Variants in ARID5B observed in about 807,000 individuals in gnomAD.
The protein encoded by ARID5B is AT-rich interactive domain-containing protein 5B.
ARID5B carries 13 observed loss-of-function variants against 97.2 expected under a neutral mutation model. The ratio of observed to expected loss-of-function variants is 0.13; its 90% CI spans 0.09 to 0.21. ARID5B has a LOEUF of 0.21. ARID5B is among the 10% of genes least tolerant of loss of function. The probability of loss-of-function intolerance (pLI) is 1.00; values close to 1 mark genes in which losing one functional copy is unlikely to be tolerated. For synonymous variants in ARID5B, 556 were observed against 570.3 expected (o/e 0.97, Z 0.36); for missense variants, 1,210 against 1,465.3 (o/e 0.83, Z 2.84).
At chr10:62,001,674 CAG>C (rs1222717537) in intron 4 of ARID5B, among the ~76,000 whole-genome samples, 4 of 152,066 alleles carry the variant, frequency 2.6e-5, no homozygotes, top group African/African-American at 4.8e-5. Flanking sequence ...GAAGGGAAGA[CAG>C]AGAGAGGAAG....
At chr10:61,992,696 A>G (rs1589249761) in intron 3 of ARID5B, among the ~76,000 whole-genome samples, 1 of 152,110 alleles carries the variant, frequency 6.6e-6, no homozygotes, top group Admixed American at 6.5e-5. Context: ...GCTGGGGACC[A>G]TTTAAAGTAG....
At chr10:62,063,459 TG>T (rs1472538812) in intron 7 of ARID5B, among the ~76,000 whole-genome samples, 1 of 152,022 alleles carries the variant, frequency 6.6e-6, no homozygotes, top group Admixed American at 6.6e-5. Context: ...TGGTTTGAAT[TG>T]CGGATTATGG....
In ARID5B at chr10:62,092,977, G is replaced by T. The variant is rs1396209445; in HGVS notation, c.3514G>T (p.Ala1172Ser). The change falls in exon 10 of 10, where the codon GCT becomes TCT. Residue 1172 changes from alanine (A) to serine (S), a missense_variant. Physicochemically the swap from Ala to Ser is moderately conservative, Grantham distance 99. Coordinates refer to ENST00000279873, the MANE Select transcript of ARID5B (RefSeq NM_032199.3). ...IYPLAAINPQ[A>S]AFPSSQLSSV... ...CCCTTTAGCTGCTATAAATCCTCAA[G>T]CTGCCTTTCCATCTTCCCAGCTGTC... is the stretch of plus-strand genomic sequence containing the variant. The T allele has an allele frequency of 1.2e-6, 2 of 1,613,660 alleles. No homozygotes were observed. Among genetic ancestry groups the T allele is most frequent in the African/African-American group, 2.7e-5 (2 of 74,910 alleles).
chr10:61,931,685 A>G, intron 2 of ARID5B, among the ~76,000 whole-genome samples: 1 of 152,232 alleles, frequency 6.6e-6, no homozygotes, highest in East Asian at 1.9e-4. Flanking sequence ...TTAAACACAC[A>G]TTTCACCAAA....
chr10:62,015,790 A>G (rs1180313429), intron 4 of ARID5B, among the ~76,000 whole-genome samples: 1 of 152,006 alleles, frequency 6.6e-6, no homozygotes. Context: ...TACCCAGCTA[A>G]TTTTTGTATT....
intron 4 of ARID5B, among the ~76,000 whole-genome samples, chr10:62,022,797 C>T (rs1384645485): frequency 1.3e-5 from 2 of 152,156 alleles, no homozygotes; most frequent in Non-Finnish European, 2.9e-5. Flanking sequence ...CAGAAAAGAA[C>T]TGGAAGCAAA....
rs532345989 is a variant in ARID5B, at chr10:62,017,150, T to G, written c.733+16829T>G. ...AATTGTCCCTTATGTCTACATACGT[T>G]TGTATATTCATATAAACTGCCCAGA... is the stretch of plus-strand genomic sequence containing the variant. On this transcript the variant is annotated intron_variant, in intron 4 of 9. Transcript: ENST00000279873. 3.5e-4 allele frequency among the ~76,000 whole-genome samples: 53 copies of G among 152,318 alleles called. No individual in the cohort carries two copies. The South Asian group carries it at 9.1e-3, about 26-fold the overall frequency.
intron 4 of ARID5B, among the ~76,000 whole-genome samples, chr10:62,032,197 T>C (rs1022572874): frequency 6.6e-6 from 1 of 152,152 alleles, no homozygotes; most frequent in Non-Finnish European, 1.5e-5. Flanking sequence ...CACACACCTA[T>C]AGTCCCAGTT....
chr10:62,017,485 T>C (rs1156608060), intron 4 of ARID5B, among the ~76,000 whole-genome samples: 1 of 151,776 alleles, frequency 6.6e-6, no homozygotes, highest in Non-Finnish European at 1.5e-5. Context: ...TTTTGTTTTG[T>C]TCTGCTTTTT....
chr10:61,930,145 C>A (rs1284216618), intron 2 of ARID5B, among the ~76,000 whole-genome samples: 1 of 152,186 alleles, frequency 6.6e-6, no homozygotes, highest in Non-Finnish European at 1.5e-5. Context: ...GACCACATCC[C>A]AGATTGCATC....
intron 8 of ARID5B, among the ~76,000 whole-genome samples, chr10:62,083,779 C>T (rs768426726): frequency 6.6e-6 from 1 of 152,110 alleles, no homozygotes; most frequent in Non-Finnish European, 1.5e-5. Flanking sequence ...ATTTTGCTCC[C>T]AGACAAAAAT....
At chr10:61,958,845 T>A (rs1160858274) in intron 3 of ARID5B, among the ~76,000 whole-genome samples, 1 of 152,226 alleles carries the variant, frequency 6.6e-6, no homozygotes, top group East Asian at 1.9e-4. Context: ...TATTGTATAT[T>A]CCTTGTCAAA....
intron 4 of ARID5B, among the ~76,000 whole-genome samples, chr10:62,019,272 T>A (rs1839323178): frequency 6.6e-6 from 1 of 152,244 alleles, no homozygotes; most frequent in African/African-American, 2.4e-5. Context: ...AATGACTGTT[T>A]ATCATGAATT....
intron 3 of ARID5B, among the ~76,000 whole-genome samples, chr10:61,957,221 T>G (rs182571148): frequency 6.6e-6 from 1 of 152,232 alleles, no homozygotes; most frequent in Non-Finnish European, 1.5e-5. Context: ...AATAAAAAAC[T>G]GAAGCAGTAT....
At chr10:61,969,419 C>CT (rs199926786) in intron 3 of ARID5B, among the ~76,000 whole-genome samples, 2,777 of 148,862 alleles carry the variant, frequency 0.019, 76 homozygotes, top group African/African-American at 0.064. Context: ...CACTGTTATC[C>CT]TTTTTTTTTT....
chr10:62,000,104 A>G lies in ARID5B; in HGVS notation c.516A>G (p.Glu172=), dbSNP rs761974542. The G allele has an allele frequency of 1.2e-6, 2 of 1,613,918 alleles. No homozygotes were observed. Among genetic ancestry groups the G allele is most frequent in the South Asian group, 2.2e-5 (2 of 91,084 alleles). ...KEKADLGEDE[E]ETNVIVLSYP... Reference sequence around the variant, plus strand: ...TCGTTTGTCTAGGGGAGGACGAGGAAGAAACGAACGTGATAGTTCTCAGCT... The same window carrying G: ...TCGTTTGTCTAGGGGAGGACGAGGAGGAAACGAACGTGATAGTTCTCAGCT... Residue 172 remains glutamate (E), a synonymous_variant, in exon 4 of 10, where the codon GAA becomes GAG. Transcript: ENST00000279873. This position sits in a 1 kb window ranked among gnomAD's most constrained non-coding sequence, Gnocchi z 4.4.
intron 8 of ARID5B, among the ~76,000 whole-genome samples, chr10:62,074,643 C>T (rs1482082295): frequency 6.6e-6 from 1 of 152,194 alleles, no homozygotes; most frequent in Non-Finnish European, 1.5e-5. Context: ...CAGTTCTGTG[C>T]ACATCAAGGA....
intron 7 of ARID5B, among the ~76,000 whole-genome samples, chr10:62,066,637 G>C (rs1839993193): frequency 1.3e-5 from 2 of 152,290 alleles, no homozygotes; most frequent in African/African-American, 2.4e-5. Flanking sequence ...TTGGCTTCCT[G>C]TGGCTACCGT....
intron 2 of ARID5B, among the ~76,000 whole-genome samples, chr10:61,912,874 A>G (rs564044579): frequency 1.3e-5 from 2 of 152,254 alleles, no homozygotes; most frequent in South Asian, 4.1e-4. Flanking sequence ...GGAAGATGAG[A>G]TGGAAACAGT....
Sources: gnomAD v4.1 joint callset for allele counts (sites outside exome capture counted in the v4.1 genomes callset) on GRCh38, gnomAD v4.1.1 for gene constraint, Gnocchi (gnomAD v3.1) non-coding constraint, MANE v1.5 for transcripts, NCBI Gene and HGNC (gene_info 2026-07-23, HGNC 2026-07-21) for gene names.